Variants in SEC13 observed in about 807,000 individuals in gnomAD.
SEC13 encodes the protein SEC13 homolog, nuclear pore and COPII component, also known as protein SEC13 homolog.
Under a neutral mutation model 49.2 loss-of-function variants are expected in SEC13, and 25 were observed. The observed-to-expected ratio is 0.51, with a 90% CI of 0.37 to 0.71. The LOEUF (loss-of-function observed/expected upper bound fraction) is 0.71, where lower values mean the gene tolerates loss of function less well. SEC13 is among the 30% of genes least tolerant of loss of function. SEC13 has a pLI of 0.00. For missense variants in SEC13, 383 were observed against 417.6 expected, an observed-to-expected ratio of 0.92 and a Z score of 0.72; for synonymous variants, 148 against 163.9, an observed-to-expected ratio of 0.90 and a Z score of 0.74.
At chr3:10,305,766 C>G in intron 5 of SEC13, 74 bp from the exon 6 acceptor site, 9 of 1,546,570 alleles carry the variant, frequency 5.8e-6, no homozygotes, top group Non-Finnish European at 8.0e-6. Context: ...CCTGCTGTCC[C>G]TCTCCCCTCC....
rs529507084 is a variant in SEC13 at position 10,317,690 on chromosome 3, A to C, written c.48+360T>G. ...TTTCACCCCCCTTTCCAGTGGGGCT[A>C]AGAAGTGACAGCAGGAGGAAGACAG... On this transcript the variant is annotated intron_variant, in intron 2 of 8. Coordinates refer to ENST00000350697, the MANE Select transcript of SEC13 (RefSeq NM_183352.3). Among the ~76,000 whole-genome samples the C allele has an allele frequency of 4.6e-5, 7 of 152,124 alleles. No individual in the cohort carries two copies. The East Asian group carries it at 1.4e-3, about 29-fold the overall frequency.
intron 8 of SEC13, among the ~76,000 whole-genome samples, chr3:10,301,637 C>A (rs191285264): frequency 2.0e-4 from 30 of 152,246 alleles, no homozygotes; most frequent in African/African-American, 7.0e-4. Flanking sequence ...AGAGCTACAG[C>A]GAGAGGATAT....
At chr3:10,305,454 A>G (rs1574865990) in intron 6 of SEC13, 105 bp downstream of exon 6, 118 of 1,400,544 alleles carry the variant, frequency 8.4e-5, no homozygotes. Flanking sequence ...GGCAGGAGGG[A>G]GAAAGAAAGG....
At chr3:10,319,977 G>A (rs1420712284) in intron 1 of SEC13, among the ~76,000 whole-genome samples, 4 of 97,710 alleles carry the variant, frequency 4.1e-5, no homozygotes, top group Non-Finnish European at 6.4e-5. Flanking sequence ...AGGGGGGAGG[G>A]AGAGGGAGTG....
chr3:10,308,137 C>CA (rs1381366776), intron 5 of SEC13, among the ~76,000 whole-genome samples: 1 of 152,112 alleles, frequency 6.6e-6, no homozygotes, highest in Non-Finnish European at 1.5e-5. Context: ...TGAATTTTGA[C>CA]AAAAATATAT....
rs933541702 is a variant in SEC13, at chr3:10,321,110, A to C, written c.-58T>G. 6.2e-7 allele frequency: 1 copy of C among 1,610,816 alleles called. No homozygotes were observed. On this transcript the variant is annotated 5_prime_UTR_variant, in exon 1 of 9. Coordinates refer to ENST00000350697, the MANE Select transcript of SEC13 (RefSeq NM_183352.3). The surrounding 1 kb of genome is among the most constrained non-coding windows in gnomAD (Gnocchi z 4.1). ...GTGGCAGCTCCCGGCGGCGCCTCGGAACAGCTCACTTCCGGCGCCGGGCCC... is the reference window on the plus strand; with the variant it reads ...GTGGCAGCTCCCGGCGGCGCCTCGGCACAGCTCACTTCCGGCGCCGGGCCC...
chr3:10,308,720 C>T (rs1311390308), intron 5 of SEC13, among the ~76,000 whole-genome samples: 9 of 143,758 alleles, frequency 6.3e-5, no homozygotes, highest in Non-Finnish European at 1.3e-4. Context: ...TCTCTAGAAC[C>T]CCCCAAAATT....
chr3:10,310,536 A>G (rs539424302), intron 5 of SEC13, among the ~76,000 whole-genome samples: 17 of 152,148 alleles, frequency 1.1e-4, no homozygotes, highest in African/African-American at 3.9e-4. Flanking sequence ...ATAAGATACC[A>G]CCTCACATTC....
intron 5 of SEC13, among the ~76,000 whole-genome samples, chr3:10,306,515 CCTTT>C (rs929633236): frequency 1.3e-5 from 2 of 152,190 alleles, no homozygotes; most frequent in South Asian, 2.1e-4. Flanking sequence ...CTAATTCCAT[CCTTT>C]CTTTGTCATT....
rs144996564 is a variant in SEC13, at chr3:10,301,309, C to G, written c.921G>C (p.Gln307His). Residue 307 changes from glutamine to histidine, a missense_variant, in exon 9 of 9, where the codon CAG (glutamine) becomes CAC (histidine). Transcript: ENST00000350697. ...CTGTCACTGATGCTGATACGGAGCC[C>G]TGGCCCTTGTTGACATCACTGATGC... ...WVCISDVNKG[Q>H]GSVSASVTEG... 6 of 1,614,180 alleles carry G rather than the reference C, an allele frequency of 3.7e-6. No individual in the cohort carries two copies. Among genetic ancestry groups the G allele is most frequent in the South Asian group, 2.2e-5 (2 of 91,074 alleles).
intron 6 of SEC13, 62 bp downstream of exon 6, chr3:10,305,497 T>C: frequency 1.3e-6 from 2 of 1,578,356 alleles, no homozygotes; most frequent in Non-Finnish European, 1.7e-6. Context: ...GGCTGAGTCA[T>C]GGTGAGTAGG....
At position 10,300,985 on chromosome 3, in the gene SEC13, T is replaced by C; in HGVS notation, c.*276A>G. On this transcript the variant is annotated 3_prime_UTR_variant, in exon 9 of 9. Coordinates refer to ENST00000350697, the MANE Select transcript of SEC13 (RefSeq NM_183352.3). Reference sequence around the variant, plus strand: ...TTTGGAAACAAAACCCCCCAAATAATGCCTGAACCCAAAGGTACATAAAAA... The same window carrying C: ...TTTGGAAACAAAACCCCCCAAATAACGCCTGAACCCAAAGGTACATAAAAA... 1.7e-6 allele frequency: 2 copies of C among 1,196,098 alleles called. No individual in the cohort carries two copies. The highest frequency in any genetic ancestry group is 2.5e-5 in the East Asian group (1 of 39,330). 74.1% of individuals were successfully genotyped at this position (1,196,098 alleles called of 1,614,324 possible).
chr3:10,320,784 ATTG>A (rs2059762855), intron 1 of SEC13: 1 of 1,324,880 alleles, frequency 7.5e-7, no homozygotes, highest in Non-Finnish European at 9.6e-7. Context: ...TTTGTTTTCA[ATTG>A]TTGACCGAAA....
Position 10,301,501 on chromosome 3 carries a change from T to C in SEC13, c.856-127A>G, listed in dbSNP as rs964979476. The C allele has an allele frequency of 2.5e-6, 3 of 1,204,262 alleles. No homozygotes were observed. In the African/African-American group the frequency reaches 4.6e-5, roughly 18 times the overall value. The allele number at this position is 1,204,262 out of a possible 1,614,324, so 74.6% of individuals were successfully genotyped here. Reference sequence around the variant, plus strand: ...CTTGTGGGTGAACAGAGCATGTCCCTCCTCCACTGAAATCTCACCAAAATG... The same window carrying C: ...CTTGTGGGTGAACAGAGCATGTCCCCCCTCCACTGAAATCTCACCAAAATG... On this transcript the variant is annotated intron_variant, in intron 8 of 8. Coordinates refer to ENST00000350697, the MANE Select transcript of SEC13 (RefSeq NM_183352.3).
intron 8 of SEC13, among the ~76,000 whole-genome samples, 165 bp from the exon 9 acceptor site, chr3:10,301,539 T>G (rs753694624): frequency 2.6e-5 from 4 of 152,128 alleles, no homozygotes; most frequent in Non-Finnish European, 5.9e-5. Context: ...AGTCCAGGAA[T>G]AAAAACTCAC....
intron 1 of SEC13, chr3:10,319,134 C>T: frequency 2.5e-6 from 4 of 1,608,228 alleles, no homozygotes; most frequent in Non-Finnish European, 3.4e-6. Context: ...ACAGACATTT[C>T]TTACCATTTT....
At chr3:10,308,787 T>C (rs1055263517) in intron 5 of SEC13, among the ~76,000 whole-genome samples, 5 of 123,028 alleles carry the variant, frequency 4.1e-5, no homozygotes, top group African/African-American at 1.7e-4. Context: ...TGATGCTGAG[T>C]TGAATTTTTT....
At chr3:10,307,717 C>G (rs754448569) in intron 5 of SEC13, among the ~76,000 whole-genome samples, 1 of 152,156 alleles carries the variant, frequency 6.6e-6, no homozygotes, top group Non-Finnish European at 1.5e-5. Context: ...CATGGGCATT[C>G]AAAATGAGAT....
chr3:10,302,669 A>G (rs1700609544), intron 8 of SEC13, among the ~76,000 whole-genome samples: 1 of 152,160 alleles, frequency 6.6e-6, no homozygotes, highest in South Asian at 2.1e-4. Flanking sequence ...TTCTGGGACC[A>G]CTGTAGATGA....
Sources: allele counts gnomAD v4.1 joint callset (sites outside exome capture counted in the v4.1 genomes callset), GRCh38; gene constraint gnomAD v4.1.1; non-coding constraint Gnocchi (gnomAD v3.1); transcripts MANE v1.5; gene names NCBI Gene and HGNC (gene_info 2026-07-23, HGNC 2026-07-21).